Variants in SLC8A1 observed in about 807,000 individuals in gnomAD.
The protein encoded by SLC8A1 is solute carrier family 8 member A1, also known as sodium/calcium exchanger 1.
A neutral mutation model predicts 68.3 loss-of-function variants in SLC8A1; 18 were observed. That is an observed-to-expected ratio of 0.26 (90% CI 0.18 to 0.39). The LOEUF (loss-of-function observed/expected upper bound fraction) is 0.39, where lower values mean the gene tolerates loss of function less well. SLC8A1 is among the 10% of genes least tolerant of loss of function. The pLI is 1.00. For missense variants in SLC8A1, 985 were observed against 1,156.7 expected (o/e 0.85, Z 2.15); for synonymous variants, 475 against 415.5 (o/e 1.14, Z -1.74).
intron 2 of SLC8A1, among the ~76,000 whole-genome samples, chr2:40,232,625 GT>G (rs1232895223): frequency 7.2e-6 from 1 of 138,078 alleles, no homozygotes; most frequent in Admixed American, 7.5e-5. Flanking sequence ...TATACTTTAA[GT>G]TTTAGGGTAC....
At chr2:40,483,802 A>G (rs1304230300) in intron 1 of SLC8A1, among the ~76,000 whole-genome samples, 1 of 152,214 alleles carries the variant, frequency 6.6e-6, no homozygotes, top group Admixed American at 6.5e-5. Flanking sequence ...TTGAGCAGCC[A>G]TCATGGTCCA....
intron 2 of SLC8A1, among the ~76,000 whole-genome samples, chr2:40,382,285 G>T (rs1682091018): frequency 6.6e-6 from 1 of 152,072 alleles, no homozygotes; most frequent in Non-Finnish European, 1.5e-5. Flanking sequence ...TCTACTTAAT[G>T]ATGACTTATT....
intron 2 of SLC8A1, among the ~76,000 whole-genome samples, chr2:40,264,521 T>TA (rs947063833): frequency 7.2e-5 from 11 of 152,184 alleles, no homozygotes; most frequent in East Asian, 1.9e-4. Context: ...TATGCAGCCA[T>TA]AAAAAATGAT....
chr2:40,461,788 C>T (rs1006131175), intron 1 of SLC8A1, among the ~76,000 whole-genome samples: 1 of 151,938 alleles, frequency 6.6e-6, no homozygotes, highest in Non-Finnish European at 1.5e-5. Flanking sequence ...ATAACAAGTC[C>T]AAAGATAAAA....
At chr2:40,509,433 T>C (rs1169425416) in intron 1 of SLC8A1, among the ~76,000 whole-genome samples, 1 of 142,982 alleles carries the variant, frequency 7.0e-6, no homozygotes, top group African/African-American at 2.5e-5. Flanking sequence ...CAAGGGGATT[T>C]GGAATTTTTT....
intron 2 of SLC8A1, among the ~76,000 whole-genome samples, chr2:40,266,135 T>C (rs1156274475): frequency 6.6e-6 from 1 of 152,208 alleles, no homozygotes; most frequent in East Asian, 1.9e-4. Flanking sequence ...ATAGCTTACT[T>C]CAACTTAAGT....
intron 2 of SLC8A1, among the ~76,000 whole-genome samples, chr2:40,381,748 C>T (rs2149553619): frequency 6.6e-6 from 1 of 151,236 alleles, no homozygotes; most frequent in Non-Finnish European, 1.5e-5. Flanking sequence ...GGAAACCAAC[C>T]ATTGGGCCTC....
At chr2:40,201,916 A>C (rs980909211) in intron 2 of SLC8A1, among the ~76,000 whole-genome samples, 3 of 151,928 alleles carry the variant, frequency 2.0e-5, no homozygotes, top group African/African-American at 7.2e-5. Context: ...TACAACCTAC[A>C]TATCTATGTG....
chr2:40,441,921 T>C (rs1049706361), intron 1 of SLC8A1, among the ~76,000 whole-genome samples: 2 of 151,544 alleles, frequency 1.3e-5, no homozygotes, highest in East Asian at 1.9e-4. Context: ...ACAAATGGGA[T>C]GTAATTAAAC....
upstream of SLC8A1, among the ~76,000 whole-genome samples, chr2:40,456,482 A>G (rs917753376): frequency 6.6e-6 from 1 of 152,216 alleles, no homozygotes; most frequent in African/African-American, 2.4e-5. Context: ...ATTAATTTAG[A>G]GGTCAGAAAA....
chr2:40,405,040 ACT>A (rs1415407233), intron 2 of SLC8A1, among the ~76,000 whole-genome samples: 2 of 151,822 alleles, frequency 1.3e-5, no homozygotes, highest in African/African-American at 2.4e-5. Flanking sequence ...GGTCCATGCT[ACT>A]CCCCCTCCCC....
intron 2 of SLC8A1, among the ~76,000 whole-genome samples, chr2:40,314,529 C>T (rs1161935831): frequency 1.3e-5 from 2 of 150,592 alleles, no homozygotes; most frequent in African/African-American, 2.4e-5. Context: ...AAAATTTACA[C>T]CAAAAAAAAA....
intron 2 of SLC8A1, among the ~76,000 whole-genome samples, chr2:40,398,258 C>G (rs1035188844): frequency 6.6e-6 from 1 of 152,144 alleles, no homozygotes; most frequent in Non-Finnish European, 1.5e-5. Flanking sequence ...CTGATCTGGC[C>G]TCCAGTTTGG....
chr2:40,363,076 A>G (rs540469781), intron 2 of SLC8A1, among the ~76,000 whole-genome samples: 3 of 152,230 alleles, frequency 2.0e-5, no homozygotes, highest in East Asian at 1.9e-4. Flanking sequence ...ATTCAGGACT[A>G]CAGCTTACAA....
intron 1 of SLC8A1, among the ~76,000 whole-genome samples, chr2:40,462,866 TG>T (rs1181579990): frequency 6.6e-6 from 1 of 152,178 alleles, no homozygotes; most frequent in Non-Finnish European, 1.5e-5. Context: ...TTGAGTTTTG[TG>T]GGAATAAACT....
At position 40,238,467 on chromosome 2, in the gene SLC8A1, A is replaced by G. The variant is rs577442316; in HGVS notation, c.1809-60612T>C. ...CAATGCTCGCCCTGCTTCGGCTCGCACACGGTGCGCGCACCCACTGACCTG... is the reference window on the plus strand; with the variant it reads ...CAATGCTCGCCCTGCTTCGGCTCGCGCACGGTGCGCGCACCCACTGACCTG... On this transcript the variant is annotated intron_variant, in intron 2 of 7. Transcript: ENST00000406785. Among the ~76,000 whole-genome samples, 898 of 152,026 alleles carry G rather than the reference A, an allele frequency of 5.9e-3. 9 individuals are homozygous for G. The highest frequency in any genetic ancestry group is 0.02 in the African/African-American group (837 of 41,492).
At chr2:40,488,473 T>C (rs993724511) in intron 1 of SLC8A1, among the ~76,000 whole-genome samples, 4 of 145,976 alleles carry the variant, frequency 2.7e-5, no homozygotes, top group African/African-American at 7.8e-5. Flanking sequence ...TGTGTGTGTG[T>C]GCACGCATGT....
intron 1 of SLC8A1, among the ~76,000 whole-genome samples, chr2:40,501,354 G>A (rs988258389): frequency 9.2e-5 from 14 of 151,958 alleles, no homozygotes; most frequent in African/African-American, 3.1e-4. Context: ...AAACATTTCT[G>A]CTATTTTCAG....
At chr2:40,487,612 T>C (rs1705052767) in intron 1 of SLC8A1, among the ~76,000 whole-genome samples, 2 of 152,080 alleles carry the variant, frequency 1.3e-5, no homozygotes, top group Admixed American at 1.3e-4. Flanking sequence ...GGGGGAAAAA[T>C]AGTGAATTCC....
Sources: allele counts gnomAD v4.1 joint callset (sites outside exome capture counted in the v4.1 genomes callset), GRCh38; gene constraint gnomAD v4.1.1; transcripts MANE v1.5; gene names NCBI Gene and HGNC (gene_info 2026-07-23, HGNC 2026-07-21).